Variants in NAALADL2 observed in about 807,000 individuals in gnomAD.
NAALADL2 encodes inactive N-acetylated-alpha-linked acidic dipeptidase-like protein 2.
Under a neutral mutation model 87.2 loss-of-function variants are expected in NAALADL2, and 76 were observed. The ratio of observed to expected loss-of-function variants is 0.87; its 90% CI spans 0.72 to 1.05. The LOEUF is 1.05. NAALADL2 is among the 50% of genes least tolerant of loss of function. The pLI, the probability that NAALADL2 is intolerant of heterozygous loss-of-function variation, is 0.00. For missense variants in NAALADL2, 1,089 were observed against 945.8 expected, an observed-to-expected ratio of 1.15 and a Z score of -1.99; for synonymous variants, 354 against 331.0, an observed-to-expected ratio of 1.07 and a Z score of -0.75.
chr3:174,882,654 CAT>C lies in NAALADL2; in HGVS notation c.43+23207_43+23208del, dbSNP rs982911445. Among the ~76,000 whole-genome samples, 40 of 131,840 alleles carry C rather than the reference CAT, an allele frequency of 3.0e-4. 2 individuals carry two copies. The highest frequency in any genetic ancestry group is 1.4e-3 in the African/African-American group (38 of 26,522). The allele number at this position is 131,840 out of a possible 152,430, so 86.5% of individuals were successfully genotyped here. On this transcript the variant is annotated intron_variant, in intron 1 of 13. Transcript: ENST00000454872. ...GCATATACACATATGTGCATATACA[CAT>C]ATGTGCATATACACATATGTGTATA... is the stretch of plus-strand genomic sequence containing the variant.
chr3:175,176,421 T>G (rs951507983), intron 2 of NAALADL2, among the ~76,000 whole-genome samples: 2 of 152,152 alleles, frequency 1.3e-5, no homozygotes, highest in African/African-American at 2.4e-5. Context: ...TGCATTTAAA[T>G]CAGACATTGT....
intron 3 of NAALADL2, among the ~76,000 whole-genome samples, chr3:174,743,733 G>A (rs73884708): frequency 0.045 from 6,779 of 151,736 alleles, 175 homozygotes; most frequent in East Asian, 0.078. Flanking sequence ...ATTATGACTG[G>A]CCAATGTTTT....
chr3:174,550,865 T>C (rs1712035490), intron 2 of NAALADL2: 1 of 152,114 alleles, frequency 6.6e-6, no homozygotes, highest in African/African-American at 2.4e-5. Context: ...TTTTAAATAA[T>C]CATAAAATGT....
intron 1 of NAALADL2, among the ~76,000 whole-genome samples, chr3:175,032,792 A>G (rs551351846): frequency 1.7e-4 from 26 of 152,136 alleles, no homozygotes; most frequent in Middle Eastern, 3.4e-3. Context: ...TTTATTACCA[A>G]TGTAGTTTAA....
At chr3:174,749,653 T>G (rs940600675) in intron 3 of NAALADL2, among the ~76,000 whole-genome samples, 90 of 152,306 alleles carry the variant, frequency 5.9e-4, no homozygotes, top group African/African-American at 2.1e-3. Flanking sequence ...TGCTGAAAAT[T>G]TTAATATTTT....
chr3:175,041,848 T>C (rs1269449513), intron 1 of NAALADL2, among the ~76,000 whole-genome samples: 1 of 152,176 alleles, frequency 6.6e-6, no homozygotes, highest in East Asian at 1.9e-4. Context: ...TATATTTTAA[T>C]ATATGTATAT....
chr3:175,628,565 T>G (rs1727312955), intron 11 of NAALADL2, among the ~76,000 whole-genome samples: 1 of 149,034 alleles, frequency 6.7e-6, no homozygotes, highest in Admixed American at 6.7e-5. Flanking sequence ...GGGGATAGAC[T>G]TTATAGAGAA....
At chr3:174,853,376 CAAAAAAAAAA>C (rs55826352) in intron 3 of NAALADL2, among the ~76,000 whole-genome samples, 2 of 82,550 alleles carry the variant, frequency 2.4e-5, no homozygotes, top group South Asian at 9.0e-4. Flanking sequence ...GACTCAATCT[CAAAAAAAAAA>C]AAAAAAAAAA....
At chr3:175,084,121 A>G (rs1311281727) in intron 1 of NAALADL2, among the ~76,000 whole-genome samples, 2 of 152,194 alleles carry the variant, frequency 1.3e-5, no homozygotes, top group Non-Finnish European at 2.9e-5. Context: ...TTAAGCAGTC[A>G]AGTGATGTGA....
intron 2 of NAALADL2, among the ~76,000 whole-genome samples, chr3:175,192,034 A>G (rs1738285348): frequency 6.6e-6 from 1 of 152,136 alleles, no homozygotes; most frequent in African/African-American, 2.4e-5. Context: ...TTAGCTATAT[A>G]ATTGATTAAT....
intron 2 of NAALADL2, among the ~76,000 whole-genome samples, chr3:174,560,263 A>T (rs969630320): frequency 3.9e-5 from 6 of 152,232 alleles, no homozygotes; most frequent in African/African-American, 1.2e-4. Context: ...TTAATTAAAA[A>T]TCCAAAAGGA....
At chr3:175,173,179 C>T (rs1217343047) in intron 2 of NAALADL2, among the ~76,000 whole-genome samples, 1 of 151,938 alleles carries the variant, frequency 6.6e-6, no homozygotes, top group Non-Finnish European at 1.5e-5. Context: ...GTAGTCCCAG[C>T]TACTCGGGAA....
At chr3:175,059,747 C>T (rs1234931079) in intron 1 of NAALADL2, 2 of 296,878 alleles carry the variant, frequency 6.7e-6, no homozygotes, top group East Asian at 9.9e-5. Flanking sequence ...ATCATCTTTA[C>T]TATTTGCAGC....
chr3:175,644,028 A>G (rs781545873), intron 11 of NAALADL2, among the ~76,000 whole-genome samples: 4 of 152,106 alleles, frequency 2.6e-5, no homozygotes, highest in South Asian at 2.1e-4. Flanking sequence ...GGTTTAAGTT[A>G]TATGTCTTAC....
At chr3:175,751,224 CT>C (rs1559971966) in intron 12 of NAALADL2, among the ~76,000 whole-genome samples, 1 of 151,934 alleles carries the variant, frequency 6.6e-6, no homozygotes, top group Non-Finnish European at 1.5e-5. Context: ...TATATTATTT[CT>C]TTCCTTGTTC....
chr3:174,660,763 C>A (rs1281932969), intron 2 of NAALADL2, among the ~76,000 whole-genome samples: 1 of 151,912 alleles, frequency 6.6e-6, no homozygotes, highest in African/African-American at 2.4e-5. Flanking sequence ...TAATTTTTGC[C>A]TTATTATTAA....
intron 2 of NAALADL2, among the ~76,000 whole-genome samples, chr3:175,213,385 G>A (rs890155146): frequency 4.6e-5 from 7 of 152,066 alleles, no homozygotes; most frequent in African/African-American, 1.7e-4. Flanking sequence ...TCTTATCTCT[G>A]GAGCTTTTTC....
intron 11 of NAALADL2, among the ~76,000 whole-genome samples, chr3:175,730,429 T>TATATAGATATATATATATATATATATAG (rs1743564654): frequency 1.1e-5 from 1 of 87,862 alleles, no homozygotes; most frequent in Non-Finnish European, 2.5e-5. Flanking sequence ...TATATATATA[T>TATATAGATATATATATATATATATATAG]ATATATATAT....
intron 9 of NAALADL2, among the ~76,000 whole-genome samples, chr3:175,555,014 G>T (rs1218631579): frequency 1.3e-5 from 2 of 152,136 alleles, no homozygotes; most frequent in Admixed American, 6.5e-5. Flanking sequence ...TCAGGGATAG[G>T]ATAATTTGGC....
Sources: allele counts gnomAD v4.1 joint callset (sites outside exome capture counted in the v4.1 genomes callset), GRCh38; gene constraint gnomAD v4.1.1; transcripts MANE v1.5; gene names NCBI Gene and HGNC (gene_info 2026-07-23, HGNC 2026-07-21).